Variants in IPO11 observed in about 807,000 individuals in gnomAD.
IPO11 encodes the protein importin 11.
IPO11 carries 66 observed loss-of-function variants against 143.2 expected under a neutral mutation model. The ratio of observed to expected loss-of-function variants is 0.46; its 90% CI spans 0.38 to 0.57. The LOEUF (loss-of-function observed/expected upper bound fraction) is 0.57, where lower values mean the gene tolerates loss of function less well. Ranked by LOEUF, IPO11 falls within the 20% of genes least tolerant of loss-of-function variation. IPO11 has a pLI of 0.00. For missense variants in IPO11, 1,026 were observed against 1,141.0 expected, an observed-to-expected ratio of 0.90 and a Z score of 1.45; for synonymous variants, 385 against 377.8, an observed-to-expected ratio of 1.02 and a Z score of -0.22.
intron 29 of IPO11, among the ~76,000 whole-genome samples, chr5:62,611,862 T>C (rs1490427835): frequency 6.6e-6 from 1 of 152,174 alleles, no homozygotes; most frequent in Admixed American, 6.5e-5. Context: ...CAATAAATTG[T>C]AGTACTTACT....
chr5:62,613,641 C>G (rs1746014362), intron 29 of IPO11, among the ~76,000 whole-genome samples: 2 of 152,028 alleles, frequency 1.3e-5, no homozygotes, highest in Non-Finnish European at 2.9e-5. Context: ...GACATTCTTC[C>G]TTATTGGCAG....
chr5:62,421,603 T>C (rs1269218519), intron 1 of IPO11, among the ~76,000 whole-genome samples: 1 of 152,218 alleles, frequency 6.6e-6, no homozygotes, highest in Non-Finnish European at 1.5e-5. Flanking sequence ...TTTATCTCCT[T>C]ATCTTTTGGC....
rs1186549776 is a variant in IPO11, at chr5:62,536,761, T to G, written c.2149T>G (p.Ser717Ala). ...FKIINGYIFL[S>A]STEFLQTYAV... ...GATCATCAATGGTTATATCTTTTTA[T>G]CATCAACAGAATTTTTACAGGTATG... Residue 717 changes from serine to alanine, a missense_variant, in exon 23 of 30, where the codon TCA (serine) becomes GCA (alanine). Physicochemically the swap from Ser to Ala is moderately conservative, Grantham distance 99. Around this residue, in one of 5 missense-constraint regions of IPO11, gnomAD observed 351 missense variants for 358.9 expected, o/e 0.98. Coordinates refer to ENST00000325324, the MANE Select transcript of IPO11 (RefSeq NM_016338.5). 2 of 1,567,572 alleles carry G rather than the reference T, an allele frequency of 1.3e-6. No individual in the cohort carries two copies. Among genetic ancestry groups the G allele is most frequent in the Non-Finnish European group, 1.7e-6 (2 of 1,163,176 alleles).
At chr5:62,609,483 T>C (rs1745852884) in intron 29 of IPO11, among the ~76,000 whole-genome samples, 1 of 152,210 alleles carries the variant, frequency 6.6e-6, no homozygotes, top group African/African-American at 2.4e-5. Flanking sequence ...CCTAACAGCA[T>C]GTATGATGTA....
rs1350370640 is a variant in IPO11 at position 62,513,284 on chromosome 5, C to T, written c.1783-2104C>T. Among the ~76,000 whole-genome samples, 6 of 135,686 alleles carry T rather than the reference C, an allele frequency of 4.4e-5. 1 individual carries two copies. The highest frequency in any genetic ancestry group is 1.6e-4 in the African/African-American group (6 of 37,236). 89.0% of individuals were successfully genotyped at this position (135,686 alleles called of 152,430 possible). The stretch of plus-strand genomic sequence containing the variant: ...GGGGCTGACCCCCCCACCTCCCTCC[C>T]GGACGGGGCGGCTGGCTGGGCGTGG... On this transcript the variant is annotated intron_variant, in intron 19 of 29. Coordinates refer to ENST00000325324, the MANE Select transcript of IPO11 (RefSeq NM_016338.5).
chr5:62,546,742 C>T (rs940482312), intron 24 of IPO11, among the ~76,000 whole-genome samples: 1 of 152,158 alleles, frequency 6.6e-6, no homozygotes, highest in African/African-American at 2.4e-5. Flanking sequence ...TGAAGTACCA[C>T]ACCTTGTCCA....
chr5:62,566,550 C>T (rs572082845), intron 27 of IPO11, among the ~76,000 whole-genome samples: 6 of 151,864 alleles, frequency 4.0e-5, no homozygotes, highest in East Asian at 1.9e-4. Context: ...CCGGGCAACA[C>T]GGCAAAACCC....
intron 8 of IPO11, among the ~76,000 whole-genome samples, chr5:62,475,100 A>C (rs1418200110): frequency 6.6e-6 from 1 of 152,074 alleles, no homozygotes; most frequent in South Asian, 2.1e-4. Flanking sequence ...AGTGTAGAGG[A>C]ATTTGCCTTG....
intron 1 of IPO11, among the ~76,000 whole-genome samples, chr5:62,426,931 G>GT (rs763031944): frequency 0.028 from 2,552 of 90,246 alleles, 137 homozygotes; most frequent in African/African-American, 0.058. Flanking sequence ...TTTTCTTTCT[G>GT]TTTTTTTTTT....
At chr5:62,626,596 C>G (rs563778148) in intron 29 of IPO11, among the ~76,000 whole-genome samples, 1 of 150,810 alleles carries the variant, frequency 6.6e-6, no homozygotes, top group Non-Finnish European at 1.5e-5. Context: ...GAGTGGACTT[C>G]TGGGTTATTT....
At chr5:62,618,860 C>T (rs1420207080) in intron 29 of IPO11, among the ~76,000 whole-genome samples, 5 of 152,072 alleles carry the variant, frequency 3.3e-5, no homozygotes, top group Non-Finnish European at 7.4e-5. Flanking sequence ...TCAAATGTTT[C>T]TTGCTTGCTC....
rs186559675 is a variant in IPO11 at position 62,530,646 on chromosome 5, G to T, written c.2013-63G>T. The T allele has an allele frequency of 1.4e-3, 1,358 of 953,554 alleles. 27 individuals are homozygous for T. In the South Asian group the frequency reaches 0.018, roughly 12 times the overall value. The allele number at this position is 953,554 out of a possible 1,614,324, so 59.1% of individuals were successfully genotyped here. ...AAATGAGACCTTTTAAAATATTTAAGTCATATGTTAATGGCTTTAATGGGC... is the reference window on the plus strand; with the variant it reads ...AAATGAGACCTTTTAAAATATTTAATTCATATGTTAATGGCTTTAATGGGC... On this transcript the variant is annotated intron_variant, in intron 21 of 29. Coordinates refer to ENST00000325324, the MANE Select transcript of IPO11 (RefSeq NM_016338.5).
intron 1 of IPO11, among the ~76,000 whole-genome samples, chr5:62,413,605 C>G (rs749762718): frequency 6.6e-6 from 1 of 152,182 alleles, no homozygotes; most frequent in Non-Finnish European, 1.5e-5. Flanking sequence ...AGTGATTTGA[C>G]TAAATAGCAA....
At chr5:62,481,017 A>G (rs32050) in intron 9 of IPO11, among the ~76,000 whole-genome samples, 106,514 of 148,948 alleles carry the variant, frequency 0.72, 38,627 homozygotes, top group African/African-American at 0.85. Flanking sequence ...CTGGGTTCAC[A>G]CCATTCTCCT....
rs6887480 is a variant in IPO11 at position 62,546,366 on chromosome 5, C to T, written c.2251-4001C>T. ...CGCAAGGATAGAACACCAAACACCA[C>T]ATGTTCTCACTCATAGATGGAAATT... On this transcript the variant is annotated intron_variant, in intron 24 of 29. Coordinates refer to ENST00000325324, the MANE Select transcript of IPO11 (RefSeq NM_016338.5). Among the ~76,000 whole-genome samples, 729 of 152,270 alleles carry T rather than the reference C, an allele frequency of 4.8e-3. 4 individuals are homozygous for T. The highest frequency in any genetic ancestry group is 0.017 in the African/African-American group (696 of 41,550).
chr5:62,536,470 C>T (rs1261363629), intron 22 of IPO11, among the ~76,000 whole-genome samples: 2 of 152,042 alleles, frequency 1.3e-5, no homozygotes, highest in African/African-American at 4.8e-5. Flanking sequence ...GACAGGGTCT[C>T]ACTCTTTTGC....
At chr5:62,584,400 C>T (rs1404459633) in intron 27 of IPO11, among the ~76,000 whole-genome samples, 3 of 151,910 alleles carry the variant, frequency 2.0e-5, no homozygotes, top group Non-Finnish European at 4.4e-5. Context: ...GAATTCGAGA[C>T]CAGCCTGGGC....
intron 26 of IPO11, among the ~76,000 whole-genome samples, chr5:62,558,076 CCAGAACTGATACT>C (rs1171298610): frequency 3.3e-5 from 5 of 152,040 alleles, no homozygotes; most frequent in African/African-American, 1.2e-4. Context: ...ATTCTGCAGC[CCAGAACTGATACT>C]CAGCTGATAG....
chr5:62,473,218 A>G (rs1355357430), intron 7 of IPO11, among the ~76,000 whole-genome samples: 1 of 152,182 alleles, frequency 6.6e-6, no homozygotes, highest in Non-Finnish European at 1.5e-5. Context: ...ATTTAACCCA[A>G]TTAAATTGTG....
Sources: gnomAD v4.1 joint callset for allele counts (sites outside exome capture counted in the v4.1 genomes callset) on GRCh38, gnomAD v4.1.1 for gene constraint, gnomAD v4.1.1 regional missense constraint, MANE v1.5 for transcripts, NCBI Gene and HGNC (gene_info 2026-07-23, HGNC 2026-07-21) for gene names.